Variants in MOB3B observed in about 807,000 individuals in gnomAD.
MOB3B encodes MOB kinase activator 3B.
In MOB3B, 7 loss-of-function variants were observed where a neutral mutation model predicts 18.7. The observed-to-expected ratio is 0.37, with a 90% CI of 0.21 to 0.70. The LOEUF is 0.70. Among genes scored for constraint, MOB3B ranks in the 30% least tolerant of loss-of-function variants. MOB3B has a pLI of 0.52. For missense variants in MOB3B, 253 were observed against 281.3 expected, an observed-to-expected ratio of 0.90 and a Z score of 0.72; for synonymous variants, 111 against 99.9, an observed-to-expected ratio of 1.11 and a Z score of -0.66.
intron 1 of MOB3B, among the ~76,000 whole-genome samples, chr9:27,520,815 T>G (rs535713535): frequency 6.6e-6 from 1 of 152,174 alleles, no homozygotes; most frequent in Non-Finnish European, 1.5e-5. Context: ...GAGAGGTCAG[T>G]GGGAGCTTGC....
intron 1 of MOB3B, among the ~76,000 whole-genome samples, chr9:27,488,568 C>G (rs62542381): frequency 2.0e-5 from 3 of 152,006 alleles, no homozygotes; most frequent in Non-Finnish European, 2.9e-5. Flanking sequence ...CCACCACACT[C>G]GGCTAACTTT....
At chr9:27,348,998 C>T (rs1194485362) in intron 3 of MOB3B, among the ~76,000 whole-genome samples, 1 of 152,182 alleles carries the variant, frequency 6.6e-6, no homozygotes, top group Admixed American at 6.5e-5. Flanking sequence ...GAGGACATGG[C>T]CCATTCAAAG....
intron 1 of MOB3B, among the ~76,000 whole-genome samples, chr9:27,525,519 G>A (rs1820423508): frequency 6.6e-6 from 1 of 152,094 alleles, no homozygotes. Flanking sequence ...TGATGCTTGT[G>A]GAATAGTATT....
intron 2 of MOB3B, among the ~76,000 whole-genome samples, chr9:27,366,813 G>T (rs1409351303): frequency 2.0e-5 from 3 of 152,218 alleles, no homozygotes; most frequent in East Asian, 3.8e-4. Context: ...CTCAAGTTCT[G>T]CAAACAACTG....
At chr9:27,435,583 TTTTA>T (rs1039346277) in intron 2 of MOB3B, among the ~76,000 whole-genome samples, 3 of 152,082 alleles carry the variant, frequency 2.0e-5, no homozygotes, top group Non-Finnish European at 2.9e-5. Flanking sequence ...AACAGAGTTC[TTTTA>T]TTTATTTGTT....
chr9:27,384,671 A>G (rs1821625778), intron 2 of MOB3B, among the ~76,000 whole-genome samples: 1 of 152,182 alleles, frequency 6.6e-6, no homozygotes. Context: ...GAAGGCAGCA[A>G]TGCTCTTTCC....
chr9:27,446,869 T>C (rs1822698724), intron 2 of MOB3B, among the ~76,000 whole-genome samples: 1 of 152,200 alleles, frequency 6.6e-6, no homozygotes, highest in South Asian at 2.1e-4. Flanking sequence ...AACTAACACT[T>C]CTGTTCCTTT....
chr9:27,521,400 G>A (rs937572201), intron 1 of MOB3B, among the ~76,000 whole-genome samples: 1 of 152,200 alleles, frequency 6.6e-6, no homozygotes. Context: ...GAGCAGAACT[G>A]AACAATCTTT....
rs182182006 is a variant in MOB3B at position 27,455,081 on chromosome 9, T to C, written c.418+52A>G. 12,275 of 1,601,926 alleles carry C rather than the reference T, an allele frequency of 7.7e-3. 67 individuals are homozygous for C. The highest frequency in any genetic ancestry group is 8.7e-3 in the Non-Finnish European group (10,141 of 1,170,396). ...TTCAAAGGCAGTCTGCAAATTTTCATAGTGAAGATTGTGCAGGTGACAAAA... is the reference window on the plus strand; with the variant it reads ...TTCAAAGGCAGTCTGCAAATTTTCACAGTGAAGATTGTGCAGGTGACAAAA... On this transcript the variant is annotated intron_variant, in intron 2 of 3. Coordinates refer to ENST00000262244, the MANE Select transcript of MOB3B (RefSeq NM_024761.5).
At chr9:27,381,926 G>A (rs550640101) in intron 2 of MOB3B, among the ~76,000 whole-genome samples, 8 of 152,286 alleles carry the variant, frequency 5.3e-5, no homozygotes, top group Non-Finnish European at 8.8e-5. Flanking sequence ...GATTACAAGT[G>A]TGAGCTAAGT....
chr9:27,510,893 C>G (rs889283250), intron 1 of MOB3B, among the ~76,000 whole-genome samples: 2 of 152,222 alleles, frequency 1.3e-5, no homozygotes, highest in African/African-American at 4.8e-5. Context: ...GTCCCTGGCT[C>G]TTGCCTCTTC....
intron 1 of MOB3B, among the ~76,000 whole-genome samples, chr9:27,477,470 A>G (rs568953697): frequency 7.9e-5 from 12 of 152,108 alleles, no homozygotes; most frequent in Admixed American, 2.0e-4. Flanking sequence ...TGTTTTACTT[A>G]TTGTTTGTTT....
At chr9:27,458,357 C>T (rs540840649) in intron 1 of MOB3B, among the ~76,000 whole-genome samples, 5 of 152,142 alleles carry the variant, frequency 3.3e-5, no homozygotes, top group South Asian at 2.1e-4. Context: ...ACACCTCTGA[C>T]GGGAGCATGT....
At chr9:27,368,506 GTGTC>G (rs1171474842) in intron 2 of MOB3B, among the ~76,000 whole-genome samples, 1 of 152,160 alleles carries the variant, frequency 6.6e-6, no homozygotes, top group Non-Finnish European at 1.5e-5. Flanking sequence ...CCTCAAGAAA[GTGTC>G]TGTTCGTCAT....
chr9:27,438,269 G>A lies in MOB3B; in HGVS notation c.418+16864C>T, dbSNP rs74448160. The stretch of plus-strand genomic sequence containing the variant: ...AGTAAATTCAGGGCACTAGCAGCTG[G>A]AAGGTAACTGGATTCAAAGCCCTGT... On this transcript the variant is annotated intron_variant, in intron 2 of 3. Coordinates refer to ENST00000262244, the MANE Select transcript of MOB3B (RefSeq NM_024761.5). 2.3e-4 allele frequency among the ~76,000 whole-genome samples: 35 copies of A among 152,352 alleles called. No individual in the cohort carries two copies. In the East Asian group the frequency reaches 6.6e-3, roughly 29 times the overall value.
intron 1 of MOB3B, among the ~76,000 whole-genome samples, chr9:27,511,331 G>A (rs528448101): frequency 1.3e-5 from 2 of 152,220 alleles, no homozygotes; most frequent in South Asian, 2.1e-4. Context: ...ACTTTGCCAG[G>A]TTATGTACTT....
At chr9:27,469,819 C>G (rs1376077470) in intron 1 of MOB3B, among the ~76,000 whole-genome samples, 2 of 152,072 alleles carry the variant, frequency 1.3e-5, no homozygotes, top group Non-Finnish European at 2.9e-5. Flanking sequence ...GGCGTGGTAG[C>G]TGACACCTAG....
intron 1 of MOB3B, among the ~76,000 whole-genome samples, chr9:27,517,675 G>C (rs1321971322): frequency 8.1e-6 from 1 of 124,080 alleles, no homozygotes; most frequent in Non-Finnish European, 1.8e-5. Context: ...AAAAAAAAGA[G>C]GTAGAATTAC....
chr9:27,351,015 GC>G (rs1821097665), intron 3 of MOB3B, among the ~76,000 whole-genome samples: 1 of 151,432 alleles, frequency 6.6e-6, no homozygotes, highest in African/African-American at 2.4e-5. Context: ...CAATTCTCCT[GC>G]CTCAGCCTCC....
Sources: allele counts gnomAD v4.1 joint callset (sites outside exome capture counted in the v4.1 genomes callset), GRCh38; gene constraint gnomAD v4.1.1; transcripts MANE v1.5; gene names NCBI Gene and HGNC (gene_info 2026-07-23, HGNC 2026-07-21).